The following DTNB variants were observed in gnomAD, a reference collection of about 807,000 sequenced individuals.
DTNB encodes the protein DTN-B.
DTNB carries 63 observed loss-of-function variants against 90.7 expected under a neutral mutation model. The ratio of observed to expected loss-of-function variants is 0.69; its 90% CI spans 0.57 to 0.86. The LOEUF (loss-of-function observed/expected upper bound fraction) is 0.86, where lower values mean the gene tolerates loss of function less well. Ranked by LOEUF, DTNB falls within the 40% of genes least tolerant of loss-of-function variation. DTNB has a pLI of 0.00. For missense variants in DTNB, 744 were observed against 807.1 expected, an observed-to-expected ratio of 0.92 and a Z score of 0.95; for synonymous variants, 277 against 286.7, an observed-to-expected ratio of 0.97 and a Z score of 0.34.
At chr2:25,639,226 T>A in intron 2 of DTNB, 132 bp from the exon 3 acceptor site, 1 of 740,872 alleles carries the variant, frequency 1.3e-6, no homozygotes, top group Non-Finnish European at 2.1e-6. Context: ...GTGGGTCAAT[T>A]AAAACAACAA....
chr2:25,524,897 C>T (rs77663499), intron 9 of DTNB, among the ~76,000 whole-genome samples: 1,809 of 152,240 alleles, frequency 0.012, 38 homozygotes, highest in African/African-American at 0.041. Flanking sequence ...TATATTATTA[C>T]TCGTGCTATC....
At chr2:25,499,235 G>T (rs1042001794) in intron 9 of DTNB, among the ~76,000 whole-genome samples, 1 of 152,056 alleles carries the variant, frequency 6.6e-6, no homozygotes, top group Non-Finnish European at 1.5e-5. Context: ...GGAAGGAAAG[G>T]GGGGCAGTGG....
chr2:25,492,942 G>C (rs917425594), intron 9 of DTNB, among the ~76,000 whole-genome samples: 3 of 152,290 alleles, frequency 2.0e-5, no homozygotes, highest in African/African-American at 7.2e-5. Flanking sequence ...TTTTCCCCAG[G>C]CCCTTTGACA....
intron 1 of DTNB, among the ~76,000 whole-genome samples, chr2:25,655,311 C>T (rs961372644): frequency 6.6e-6 from 1 of 152,142 alleles, no homozygotes; most frequent in Non-Finnish European, 1.5e-5. Context: ...GGGATGCATG[C>T]CTCCAAAGAT....
intron 4 of DTNB, among the ~76,000 whole-genome samples, chr2:25,608,140 T>C (rs2148518549): frequency 6.6e-6 from 1 of 152,366 alleles, no homozygotes; most frequent in South Asian, 2.1e-4. Flanking sequence ...AATGTGCTTT[T>C]TGTGTTAATT....
intron 1 of DTNB, among the ~76,000 whole-genome samples, chr2:25,672,479 TC>T (rs1396157863): frequency 1.3e-5 from 2 of 152,218 alleles, no homozygotes; most frequent in Non-Finnish European, 2.9e-5. Context: ...ACGTCTTTTT[TC>T]CCCATCTAAG....
intron 4 of DTNB, among the ~76,000 whole-genome samples, chr2:25,609,366 A>G (rs1195722569): frequency 2.0e-5 from 3 of 152,154 alleles, no homozygotes; most frequent in Admixed American, 2.0e-4. Context: ...TGGGAGGCCG[A>G]GGCAGGCAGA....
intron 1 of DTNB, among the ~76,000 whole-genome samples, chr2:25,667,024 G>A (rs1242017773): frequency 6.6e-6 from 1 of 151,872 alleles, no homozygotes; most frequent in Non-Finnish European, 1.5e-5. Context: ...TAACTCAAAG[G>A]GCAGGACCCT....
chr2:25,486,777 TAAAA>T (rs922224377), intron 9 of DTNB, among the ~76,000 whole-genome samples: 30 of 152,192 alleles, frequency 2.0e-4, no homozygotes, highest in African/African-American at 6.3e-4. Flanking sequence ...TATAGAAACT[TAAAA>T]AAACAGAATT....
chr2:25,504,572 G>GAAAGA (rs764204210), intron 9 of DTNB, among the ~76,000 whole-genome samples: 20 of 136,354 alleles, frequency 1.5e-4, no homozygotes, highest in Middle Eastern at 4.1e-3. Context: ...AAGAAAGAAA[G>GAAAGA]AAAGAAAAGA....
intron 3 of DTNB, among the ~76,000 whole-genome samples, chr2:25,634,208 G>A (rs1387735839): frequency 2.4e-5 from 3 of 126,986 alleles, no homozygotes; most frequent in Admixed American, 7.9e-5. Flanking sequence ...CCCTCTGCCC[G>A]GCCAGCCGCC....
In DTNB at chr2:25,407,816, G is replaced by A. The variant is rs538802378; in HGVS notation, c.1575+11699C>T. On this transcript the variant is annotated intron_variant, in intron 16 of 20. Transcript: ENST00000406818. ...GTGAAGGATAAAAAACTACATATTG[G>A]GTGCAATGTACACTAGTTGGGTGAC... is the stretch of plus-strand genomic sequence containing the variant. 5.3e-5 allele frequency among the ~76,000 whole-genome samples: 8 copies of A among 152,172 alleles called. No homozygotes were observed. The South Asian group carries it at 6.2e-4, about 12-fold the overall frequency.
chr2:25,638,879 A>G lies in DTNB; in HGVS notation c.148+135T>C, dbSNP rs928924437. Reference sequence around the variant, plus strand: ...GTAAAATGACAAGTTCTTCCATTACAAAGCTTACATACTAATAAATACTTA... The same window carrying G: ...GTAAAATGACAAGTTCTTCCATTACGAAGCTTACATACTAATAAATACTTA... On this transcript the variant is annotated intron_variant, in intron 3 of 20. Coordinates refer to ENST00000406818, the MANE Select transcript of DTNB (RefSeq NM_021907.5). The G allele has an allele frequency of 4.8e-6, 4 of 832,306 alleles. No individual in the cohort carries two copies. The African/African-American group carries it at 5.2e-5, about 11-fold the overall frequency. 51.6% of individuals were successfully genotyped at this position (832,306 alleles called of 1,614,324 possible).
intron 4 of DTNB, among the ~76,000 whole-genome samples, chr2:25,614,948 A>C (rs2069818362): frequency 6.6e-6 from 1 of 152,152 alleles, no homozygotes; most frequent in African/African-American, 2.4e-5. Flanking sequence ...CAGATCCCAC[A>C]GGCTGAGGGC....
intron 1 of DTNB, among the ~76,000 whole-genome samples, chr2:25,668,278 G>T (rs1030282616): frequency 6.6e-6 from 1 of 152,070 alleles, no homozygotes; most frequent in South Asian, 2.1e-4. Context: ...CTATCAAGTC[G>T]CAAAAAAGAC....
At position 25,617,959 on chromosome 2, in the gene DTNB, G is replaced by A. The variant is rs745911472; in HGVS notation, c.362+10212C>T. On this transcript the variant is annotated intron_variant, in intron 4 of 20. Transcript: ENST00000406818. ...ACTTGGCATAAAGAAATAGTTATCC[G>A]ATAAAATTAATGAAGGGGTAGTCTC... is the stretch of plus-strand genomic sequence containing the variant. Among the ~76,000 whole-genome samples the A allele has an allele frequency of 2.0e-5, 3 of 152,168 alleles. No homozygotes were observed. The South Asian group carries it at 6.2e-4, about 32-fold the overall frequency.
At chr2:25,648,995 T>C (rs1178358481) in intron 2 of DTNB, among the ~76,000 whole-genome samples, 1 of 33,180 alleles carries the variant, frequency 3.0e-5, no homozygotes, top group Non-Finnish European at 7.2e-5. Context: ...CTTCCTACCT[T>C]TTTTTTTTTT....
chr2:25,652,289 T>A (rs997641733), intron 2 of DTNB, among the ~76,000 whole-genome samples: 2 of 152,144 alleles, frequency 1.3e-5, no homozygotes, highest in Admixed American at 1.3e-4. Context: ...ACCTGCAAAG[T>A]TCATGGTAAC....
chr2:25,465,801 C>G (rs527968327), intron 10 of DTNB, among the ~76,000 whole-genome samples: 1 of 152,328 alleles, frequency 6.6e-6, no homozygotes, highest in South Asian at 2.1e-4. Context: ...CTGAAACTCT[C>G]TGCCCCATTC....
Sources: allele counts gnomAD v4.1 joint callset (sites outside exome capture counted in the v4.1 genomes callset), GRCh38; gene constraint gnomAD v4.1.1; transcripts MANE v1.5; gene names NCBI Gene and HGNC (gene_info 2026-07-23, HGNC 2026-07-21).